COLEC10: variants seen among roughly 807,000 people sequenced by gnomAD.
COLEC10 encodes the protein collectin subfamily member 10, also known as collectin-10.
COLEC10 carries 22 observed loss-of-function variants against 28.4 expected under a neutral mutation model. The observed-to-expected ratio is 0.78, with a 90% CI of 0.55 to 1.11. The LOEUF is 1.11. Ranked by LOEUF, COLEC10 falls within the 50% of genes least tolerant of loss-of-function variation. The pLI is 0.00. For missense variants in COLEC10, 361 were observed against 344.1 expected, an observed-to-expected ratio of 1.05 and a Z score of -0.39; for synonymous variants, 125 against 116.1, an observed-to-expected ratio of 1.08 and a Z score of -0.49.
intron 2 of COLEC10, among the ~76,000 whole-genome samples, chr8:119,053,176 A>T (rs1300229838): frequency 6.6e-6 from 1 of 152,080 alleles, no homozygotes; most frequent in Non-Finnish European, 1.5e-5. Context: ...TTATATTGGG[A>T]TGCTTCAGGG....
upstream of COLEC10, among the ~76,000 whole-genome samples, chr8:119,063,574 T>C (rs1814896229): frequency 6.6e-6 from 1 of 152,150 alleles, no homozygotes; most frequent in African/African-American, 2.4e-5. Flanking sequence ...TGTCACTGGA[T>C]TTAGGGTCCA....
intron 3 of COLEC10, among the ~76,000 whole-genome samples, chr8:119,097,965 C>G (rs1365911427): frequency 1.3e-5 from 2 of 152,006 alleles, no homozygotes; most frequent in Non-Finnish European, 2.9e-5. Flanking sequence ...TTCAATGGCA[C>G]TAAGTACTTT....
intron 2 of COLEC10, among the ~76,000 whole-genome samples, chr8:119,020,701 A>G (rs1814075470): frequency 6.6e-6 from 1 of 152,150 alleles, no homozygotes; most frequent in South Asian, 2.1e-4. Context: ...TAAAGATTCC[A>G]CTTACTTTTT....
At chr8:118,993,860 T>C (rs1404153899), upstream of COLEC10, among the ~76,000 whole-genome samples, 1 of 152,140 alleles carries the variant, frequency 6.6e-6, no homozygotes, top group Non-Finnish European at 1.5e-5. Context: ...CACACTATAA[T>C]AGGGGTTTAT....
At chr8:119,092,952 G>T (rs572202749) in intron 3 of COLEC10, among the ~76,000 whole-genome samples, 3 of 152,168 alleles carry the variant, frequency 2.0e-5, no homozygotes, top group Admixed American at 2.0e-4. Flanking sequence ...GACTACTCCA[G>T]GACTCATGTT....
chr8:119,025,209 A>G (rs1814169210), intron 2 of COLEC10, among the ~76,000 whole-genome samples: 1 of 152,212 alleles, frequency 6.6e-6, no homozygotes, highest in African/African-American at 2.4e-5. Context: ...AGAAAGGGAT[A>G]CTGAAGAATC....
upstream of COLEC10, among the ~76,000 whole-genome samples, chr8:119,063,706 T>TA (rs985388333): frequency 4.1e-4 from 62 of 150,320 alleles, no homozygotes; most frequent in Middle Eastern, 0.014. Flanking sequence ...TATATATATA[T>TA]TTTTTAAGGC....
In COLEC10 at chr8:119,052,847, G is replaced by A. The variant is rs571138699; in HGVS notation, n.236-36833G>A. ...TTTAGTTGAAGGCAAACAAGCAAGA[G>A]AGCTAAAATCTCTGCAAAGTGAAAA... is the stretch of plus-strand genomic sequence containing the variant. On this transcript the variant is annotated intron_variant and non_coding_transcript_variant, in intron 2 of 6. Coordinates refer to the COLEC10 transcript ENST00000521788. 2.3e-3 allele frequency among the ~76,000 whole-genome samples: 352 copies of A among 152,194 alleles called. 1 individual carries two copies. Among genetic ancestry groups the A allele is most frequent in the Non-Finnish European group, 3.6e-3 (246 of 68,000 alleles).
intron 1 of COLEC10, among the ~76,000 whole-genome samples, chr8:119,001,519 G>A (rs921997974): frequency 6.6e-5 from 10 of 152,142 alleles, no homozygotes; most frequent in African/African-American, 2.2e-4. Context: ...GCACCATGAT[G>A]CAACTTTGTG....
At chr8:119,030,339 A>G (rs1814265377) in intron 2 of COLEC10, among the ~76,000 whole-genome samples, 1 of 152,246 alleles carries the variant, frequency 6.6e-6, no homozygotes. Flanking sequence ...ATGTTTTTAA[A>G]TTAAAAATAT....
At chr8:119,049,975 C>G (rs1231252132) in intron 2 of COLEC10, among the ~76,000 whole-genome samples, 1 of 152,116 alleles carries the variant, frequency 6.6e-6, no homozygotes, top group Non-Finnish European at 1.5e-5. Context: ...GGCTGAAGTT[C>G]AGACTGAAGT....
chr8:118,987,888 CTT>C, the COLEC10 span, among the ~76,000 whole-genome samples: 3 of 152,208 alleles, frequency 2.0e-5, no homozygotes, highest in African/African-American at 7.2e-5. Flanking sequence ...AATAAATAGT[CTT>C]TGGTTTCAGC....
At chr8:119,003,447 G>A (rs1007732480) in intron 1 of COLEC10, among the ~76,000 whole-genome samples, 2 of 152,072 alleles carry the variant, frequency 1.3e-5, no homozygotes, top group Non-Finnish European at 2.9e-5. Context: ...ATGTAGTCTT[G>A]AAAAGTGAAC....
intron 2 of COLEC10, among the ~76,000 whole-genome samples, chr8:119,053,626 C>T (rs1814713007): frequency 6.6e-6 from 1 of 151,516 alleles, no homozygotes; most frequent in African/African-American, 2.4e-5. Context: ...GTCCATTCTC[C>T]ATTTGTGTCT....
rs1355573396 is a variant in COLEC10, at chr8:119,107,626, G to T, written c.*1435G>T. Among the ~76,000 whole-genome samples, 1 of 152,106 alleles carries T rather than the reference G, an allele frequency of 6.6e-6. No individual in the cohort carries two copies. Among genetic ancestry groups the T allele is most frequent in the Non-Finnish European group, 1.5e-5 (1 of 68,028 alleles). ...GGACTTAATTAGGTTATTTCTGTGG[G>T]TTCAACAAGGGCCATAAACTCAGAT... On this transcript the variant is annotated 3_prime_UTR_variant, in exon 6 of 6. Coordinates refer to ENST00000332843, the MANE Select transcript of COLEC10 (RefSeq NM_006438.5).
intron 1 of COLEC10, among the ~76,000 whole-genome samples, chr8:119,087,706 G>A (rs991993126): frequency 1.3e-5 from 2 of 151,960 alleles, no homozygotes; most frequent in African/African-American, 4.8e-5. Flanking sequence ...ATTTGGCACG[G>A]TGCCAAATTC....
intron 1 of COLEC10, among the ~76,000 whole-genome samples, chr8:119,081,082 G>T (rs1283323926): frequency 2.0e-5 from 3 of 152,064 alleles, no homozygotes; most frequent in African/African-American, 7.2e-5. Flanking sequence ...TTATCCATTT[G>T]TTTTTACTGT....
chr8:119,093,493 G>A (rs1002448457), intron 3 of COLEC10, among the ~76,000 whole-genome samples: 1 of 152,158 alleles, frequency 6.6e-6, no homozygotes. Context: ...CTGCTGCAGT[G>A]TGTGTCTGTG....
In COLEC10 at chr8:119,095,366, C is replaced by G. The variant is rs1036737823; in HGVS notation, c.292+4146C>G. Among the ~76,000 whole-genome samples, 11 of 152,242 alleles carry G rather than the reference C, an allele frequency of 7.2e-5. No individual in the cohort carries two copies. The Middle Eastern group carries it at 0.02, about 282-fold the overall frequency. On this transcript the variant is annotated intron_variant, in intron 3 of 5. Transcript: ENST00000332843. ...ACTCAATATTGTTAATATGCCAGTT[C>G]TTTCCCAGATTGATCCATCGACTCA...
Sources: allele counts gnomAD v4.1 joint callset (sites outside exome capture counted in the v4.1 genomes callset), GRCh38; gene constraint gnomAD v4.1.1; transcripts MANE v1.5; gene names NCBI Gene and HGNC (gene_info 2026-07-23, HGNC 2026-07-21).